The following PPP3CA variants were observed in gnomAD, a reference collection of about 807,000 sequenced individuals.
The protein encoded by PPP3CA is protein phosphatase 3 catalytic subunit alpha, also known as CAM-PRP catalytic subunit.
A neutral mutation model predicts 66.5 loss-of-function variants in PPP3CA; 14 were observed. That is an observed-to-expected ratio of 0.21 (90% CI 0.14 to 0.33). The LOEUF is 0.33. Ranked by LOEUF, PPP3CA falls within the 10% of genes least tolerant of loss-of-function variation. The probability of loss-of-function intolerance (pLI) is 1.00; values close to 1 mark genes in which losing one functional copy is unlikely to be tolerated. For synonymous variants in PPP3CA, 232 were observed against 226.2 expected (o/e 1.03, Z -0.23); for missense variants, 317 against 639.5 (o/e 0.50, Z 5.44).
intron 2 of PPP3CA, among the ~76,000 whole-genome samples, chr4:101,137,434 C>T (rs1292305731): frequency 1.3e-5 from 2 of 152,018 alleles, no homozygotes; most frequent in Non-Finnish European, 2.9e-5. Context: ...GAATGGTTTG[C>T]AGTTCCCAGG....
In PPP3CA at chr4:101,329,464, T is replaced by C. The variant is rs1578196851; in HGVS notation, c.58+17275A>G. Among the ~76,000 whole-genome samples, 5 of 152,302 alleles carry C rather than the reference T, an allele frequency of 3.3e-5. 1 individual carries two copies. The South Asian group carries it at 1.0e-3, about 32-fold the overall frequency. ...AAGCAGCAAATTTTAATGTAGAAGCTACAGCAAGTTATCCAGGAGACCTTG... is the reference window on the plus strand; with the variant it reads ...AAGCAGCAAATTTTAATGTAGAAGCCACAGCAAGTTATCCAGGAGACCTTG... On this transcript the variant is annotated intron_variant, in intron 1 of 13. Coordinates refer to ENST00000394854, the MANE Select transcript of PPP3CA (RefSeq NM_000944.5).
rs114135997 is a variant in PPP3CA at position 101,202,176 on chromosome 4, T to G, written c.59-6060A>C. ...GGAAACTCTTTGATCCAGTTGCAGA[T>G]TTCTCTTATTTAAAGTATATTATAA... On this transcript the variant is annotated intron_variant, in intron 1 of 13. Coordinates refer to ENST00000394854, the MANE Select transcript of PPP3CA (RefSeq NM_000944.5). Among the ~76,000 whole-genome samples, 1,509 of 152,206 alleles carry G rather than the reference T, an allele frequency of 9.9e-3. 26 individuals are homozygous for G. Among genetic ancestry groups the G allele is most frequent in the African/African-American group, 0.028 (1,179 of 41,552 alleles).
intron 1 of PPP3CA, among the ~76,000 whole-genome samples, chr4:101,207,707 T>A (rs915569104): frequency 2.6e-5 from 4 of 152,072 alleles, no homozygotes; most frequent in African/African-American, 9.7e-5. Context: ...GCGCCTGTAA[T>A]CCCAGCTACT....
chr4:101,257,614 G>C (rs1367062444), intron 1 of PPP3CA, among the ~76,000 whole-genome samples: 2 of 151,898 alleles, frequency 1.3e-5, no homozygotes, highest in Non-Finnish European at 2.9e-5. Flanking sequence ...GCTCTATAAA[G>C]TGCTACTTAA....
chr4:101,294,515 T>C (rs1335639239), intron 1 of PPP3CA, among the ~76,000 whole-genome samples: 1 of 145,956 alleles, frequency 6.9e-6, no homozygotes, highest in Non-Finnish European at 1.5e-5. Flanking sequence ...TATAATTTCA[T>C]GCCTTACATG....
intron 2 of PPP3CA, among the ~76,000 whole-genome samples, chr4:101,117,631 G>A (rs1260293643): frequency 6.6e-6 from 1 of 151,534 alleles, no homozygotes; most frequent in Admixed American, 6.6e-5. Context: ...TATAGTCACG[G>A]TTGTGGTGCC....
intron 11 of PPP3CA, among the ~76,000 whole-genome samples, chr4:101,036,345 A>G (rs932070367): frequency 6.6e-6 from 1 of 151,868 alleles, no homozygotes; most frequent in Non-Finnish European, 1.5e-5. Context: ...CTTTAGCAAG[A>G]CCATCAGCTT....
intron 13 of PPP3CA, among the ~76,000 whole-genome samples, chr4:101,026,731 TA>T (rs199674992): frequency 5.2e-4 from 76 of 146,302 alleles, no homozygotes; most frequent in African/African-American, 1.2e-3. Flanking sequence ...TAAGAGAAAC[TA>T]AAAAAAAAAA....
chr4:101,155,056 C>T (rs1425772367), intron 2 of PPP3CA, among the ~76,000 whole-genome samples: 1 of 152,132 alleles, frequency 6.6e-6, no homozygotes, highest in Admixed American at 6.5e-5. Context: ...ACCTCATGAT[C>T]TGCCCGCCTC....
At chr4:101,085,829 C>T (rs545598184) in intron 6 of PPP3CA, among the ~76,000 whole-genome samples, 5 of 138,150 alleles carry the variant, frequency 3.6e-5, no homozygotes, top group South Asian at 4.6e-4. Flanking sequence ...AAAAGCACTG[C>T]GTATATACAC....
chr4:101,029,425 A>G (rs1178695208), intron 12 of PPP3CA, among the ~76,000 whole-genome samples: 1 of 151,176 alleles, frequency 6.6e-6, no homozygotes, highest in African/African-American at 2.4e-5. Flanking sequence ...GGGTACGCCT[A>G]TCTGAATTAA....
chr4:101,100,943 A>G (rs907118000), intron 3 of PPP3CA, among the ~76,000 whole-genome samples: 1 of 152,152 alleles, frequency 6.6e-6, no homozygotes, highest in South Asian at 2.1e-4. Flanking sequence ...TTATGAAATG[A>G]GTGAGAACTA....
chr4:101,131,662 T>C (rs1722445403), intron 2 of PPP3CA, among the ~76,000 whole-genome samples: 1 of 152,140 alleles, frequency 6.6e-6, no homozygotes, highest in Admixed American at 6.5e-5. Context: ...TGGGAGACTT[T>C]AACACCCCAC....
At chr4:101,136,560 T>G (rs2695210) in intron 2 of PPP3CA, among the ~76,000 whole-genome samples, 3 of 151,114 alleles carry the variant, frequency 2.0e-5, no homozygotes, top group Non-Finnish European at 4.4e-5. Context: ...AAAGTGTTCA[T>G]GAAGCAATGT....
intron 1 of PPP3CA, among the ~76,000 whole-genome samples, chr4:101,318,098 A>G (rs1019015508): frequency 6.6e-6 from 1 of 152,222 alleles, no homozygotes; most frequent in Non-Finnish European, 1.5e-5. Flanking sequence ...TAAATTGCCC[A>G]CTCAAAATGA....
At chr4:101,081,856 A>G (rs1674494766) in intron 7 of PPP3CA, among the ~76,000 whole-genome samples, 1 of 152,218 alleles carries the variant, frequency 6.6e-6, no homozygotes, top group Admixed American at 6.5e-5. Flanking sequence ...AACAAAATCC[A>G]TGTGAAAGAC....
chr4:101,250,487 A>G, intron 1 of PPP3CA: 1 of 282,400 alleles, frequency 3.5e-6, no homozygotes, highest in Non-Finnish European at 7.0e-6. Context: ...CTCTGTCCTT[A>G]TCAAAGAAAC....
At chr4:101,341,175 C>A (rs1578204900) in intron 1 of PPP3CA, among the ~76,000 whole-genome samples, 1 of 148,128 alleles carries the variant, frequency 6.8e-6, no homozygotes. Context: ...TTAAATATAC[C>A]AAAAGAAGTG....
intron 4 of PPP3CA, 56 bp downstream of exon 4, chr4:101,099,555 T>C: frequency 9.9e-7 from 1 of 1,011,376 alleles, no homozygotes; most frequent in Non-Finnish European, 1.4e-6. Flanking sequence ...TATTATTGAT[T>C]AAAATTACTT....
Sources: allele counts gnomAD v4.1 joint callset (sites outside exome capture counted in the v4.1 genomes callset), GRCh38; gene constraint gnomAD v4.1.1; transcripts MANE v1.5; gene names NCBI Gene and HGNC (gene_info 2026-07-23, HGNC 2026-07-21).